LRP2: variants seen among roughly 807,000 people sequenced by gnomAD.
LRP2 encodes low-density lipoprotein receptor-related protein 2.
Under a neutral mutation model 531.0 loss-of-function variants are expected in LRP2, and 172 were observed. The observed-to-expected ratio is 0.32, with a 90% CI of 0.29 to 0.37. The LOEUF (loss-of-function observed/expected upper bound fraction) is 0.37, where lower values mean the gene tolerates loss of function less well. Ranked by LOEUF, LRP2 falls within the 10% of genes least tolerant of loss-of-function variation. The pLI is 1.00. For missense variants in LRP2, 5,167 were observed against 5,868.3 expected, an observed-to-expected ratio of 0.88 and a Z score of 3.90; for synonymous variants, 1,992 against 2,027.6, an observed-to-expected ratio of 0.98 and a Z score of 0.47.
At chr2:169,199,093 A>G (rs1043128484) in intron 44 of LRP2, among the ~76,000 whole-genome samples, 182 bp from the exon 45 acceptor site, 3 of 152,212 alleles carry the variant, frequency 2.0e-5, no homozygotes, top group Admixed American at 2.0e-4. Flanking sequence ...GTAAAAAAAC[A>G]TATTTCCAGC....
intron 4 of LRP2, among the ~76,000 whole-genome samples, chr2:169,305,984 G>A (rs987897637): frequency 2.6e-5 from 4 of 151,852 alleles, no homozygotes; most frequent in Non-Finnish European, 4.4e-5. Flanking sequence ...TACCATCCAG[G>A]TTTGTTTAAC....
At chr2:169,216,144 A>C in intron 35 of LRP2, 109 bp downstream of exon 35, 1 of 1,176,626 alleles carries the variant, frequency 8.5e-7, no homozygotes, top group African/African-American at 1.5e-5. Context: ...ACACTGGTAC[A>C]AGTTACCAAG....
chr2:169,198,933 A>T, intron 44 of LRP2, 22 bp from the exon 45 acceptor site: 2 of 1,609,326 alleles, frequency 1.2e-6, no homozygotes, highest in Non-Finnish European at 1.7e-6. Flanking sequence ...CAACCAGATA[A>T]ATATTAGGAA....
At chr2:169,279,643 C>G (rs534732949) in intron 11 of LRP2, 48 bp from the exon 12 acceptor site, 1 of 1,197,500 alleles carries the variant, frequency 8.4e-7, no homozygotes, top group Admixed American at 1.8e-5. Flanking sequence ...TCACTAACTA[C>G]GTGGTTTGTT....
Position 169,188,273 on chromosome 2 carries a change from A to G in LRP2, c.9033-8T>C, listed in dbSNP as rs140148483. 1.7e-3 allele frequency: 2,743 copies of G among 1,613,896 alleles called. 41 individuals carry two copies. In the African/African-American group the frequency reaches 0.031, roughly 18 times the overall value. ...TCATTGTGCCGGTCACACCTGTATC[A>G]TGAGATCCAGTACCACTTTCAGAGA... On this transcript the variant is annotated splice_polypyrimidine_tract_variant and splice_region_variant and intron_variant, in intron 48 of 78. Coordinates refer to ENST00000649046, the MANE Select transcript of LRP2 (RefSeq NM_004525.3).
rs1216987363 is a variant in LRP2 at position 169,284,256 on chromosome 2, C to CTTTTTTTTTTTTTTTTTTTTTTTTTT, written c.1043-1281_1043-1256dup. Among the ~76,000 whole-genome samples, 11 of 96,668 alleles carry CTTTTTTTTTTTTTTTTTTTTTTTTTT rather than the reference C, an allele frequency of 1.1e-4. 1 individual carries two copies. Among genetic ancestry groups the CTTTTTTTTTTTTTTTTTTTTTTTTTT allele is most frequent in the African/African-American group, 2.2e-4 (5 of 22,690 alleles). The allele number at this position is 96,668 out of a possible 152,430, so 63.4% of individuals were successfully genotyped here. ...CTTTTCTTTTCTTTTTCTTTTTTTT[C>CTTTTTTTTTTTTTTTTTTTTTTTTTT]TTTTTTTTTTTTTTTTTTTTTTTTT... On this transcript the variant is annotated intron_variant, in intron 9 of 78. Transcript: ENST00000649046.
intron 3 of LRP2, among the ~76,000 whole-genome samples, chr2:169,315,681 C>T (rs1383321982): frequency 6.6e-6 from 1 of 152,162 alleles, no homozygotes; most frequent in Non-Finnish European, 1.5e-5. Context: ...GAACTTTCTC[C>T]TGGAATTAAT....
chr2:169,181,569 C>T lies in LRP2; in HGVS notation c.10048G>A (p.Gly3350Ser). The stretch of plus-strand genomic sequence containing the variant: ...ACAGACTTGTTGGTTCCATCCATGC[C>T]TACTCTCCCAATGTATGCGCGGTGA... ...WGHRAYIGRV[G>S]MDGTNKSVII... is the part of the protein sequence containing the mutation. Residue 3350 changes from glycine (G) to serine (S), a missense_variant, in exon 52 of 79, where the codon GGC (glycine) becomes AGC (serine). Transcript: ENST00000649046. 4 of 1,614,156 alleles carry T rather than the reference C, an allele frequency of 2.5e-6. No individual in the cohort carries two copies. Among genetic ancestry groups the T allele is most frequent in the South Asian group, 1.1e-5 (1 of 91,080 alleles).
intron 6 of LRP2, among the ~76,000 whole-genome samples, chr2:169,293,585 G>A (rs554911095): frequency 9.9e-5 from 15 of 152,266 alleles, no homozygotes; most frequent in African/African-American, 3.6e-4. Context: ...TGAAGCAGGA[G>A]AACTGCTTGA....
At chr2:169,270,514 C>T (rs1323721818) in intron 16 of LRP2, among the ~76,000 whole-genome samples, 1 of 150,720 alleles carries the variant, frequency 6.6e-6, no homozygotes, top group Non-Finnish European at 1.5e-5. Context: ...GGACAGAAAA[C>T]CAAACACCAC....
intron 47 of LRP2, 125 bp downstream of exon 47, chr2:169,193,636 A>AC (rs1336240474): frequency 8.5e-7 from 1 of 1,183,152 alleles, no homozygotes; most frequent in Non-Finnish European, 1.3e-6. Context: ...AACAAAGGTA[A>AC]CATTCTATCA....
intron 68 of LRP2, among the ~76,000 whole-genome samples, chr2:169,147,780 G>T (rs1322724474): frequency 1.3e-5 from 2 of 152,188 alleles, no homozygotes; most frequent in Admixed American, 6.5e-5. Context: ...AGAGATCCCG[G>T]TTGTAAATAT....
At position 169,207,000 on chromosome 2, in the gene LRP2, T is replaced by C; in HGVS notation, c.6720A>G (p.Ala2240=). 1 of 1,614,240 alleles carries C rather than the reference T, an allele frequency of 6.2e-7. No homozygotes were observed. Among genetic ancestry groups the C allele is most frequent in the Non-Finnish European group, 8.5e-7 (1 of 1,180,042 alleles). Residue 2240 remains alanine, a synonymous_variant, in exon 39 of 79, where the codon GCA becomes GCG. Coordinates refer to ENST00000649046, the MANE Select transcript of LRP2 (RefSeq NM_004525.3). ...SEGIVTPRGL[A]VDRSDGYVYW... is the part of the protein sequence containing the mutation. ...AAACGTAGCCATCACTTCGGTCCAC[T>C]GCCAAGCCCCGTGGTGTGACAATGC...
chr2:169,336,466 G>T (rs1176834424), intron 1 of LRP2, among the ~76,000 whole-genome samples: 1 of 151,960 alleles, frequency 6.6e-6, no homozygotes, highest in African/African-American at 2.4e-5. Flanking sequence ...CTTGAAACCA[G>T]GAGGCAGAGG....
In LRP2 at chr2:169,294,613, A is replaced by G; in HGVS notation, c.525T>C (p.Asp175=). 6.8e-6 allele frequency: 11 copies of G among 1,610,636 alleles called. No individual in the cohort carries two copies. The highest frequency in any genetic ancestry group is 8.5e-6 in the Non-Finnish European group (10 of 1,177,954). ...DWKVDCRDSS[D]EINCTEICLH... is the part of the protein sequence containing the mutation. The stretch of plus-strand genomic sequence containing the variant: ...CACAATACTTACTGCAGTTGATTTC[A>G]TCTGAGGAGTCCCTGCAATCAACTT... The change falls in exon 5 of 79, where the codon GAT becomes GAC. Residue 175 remains aspartate (D), a synonymous_variant. Coordinates refer to ENST00000649046, the MANE Select transcript of LRP2 (RefSeq NM_004525.3).
intron 3 of LRP2, among the ~76,000 whole-genome samples, chr2:169,314,231 C>T (rs1159657060): frequency 7.2e-6 from 1 of 139,516 alleles, no homozygotes; most frequent in African/African-American, 3.0e-5. Flanking sequence ...ATCCTTATAT[C>T]TTAAAAGAAA....
chr2:169,270,126 G>A (rs568904455), intron 16 of LRP2, among the ~76,000 whole-genome samples: 1 of 152,242 alleles, frequency 6.6e-6, no homozygotes, highest in Non-Finnish European at 1.5e-5. Flanking sequence ...GAGAGGATGT[G>A]GAGATATAGG....
Position 169,284,256 on chromosome 2 carries a change from C to CTCTTTTTTTTTTTTTTTTTT in LRP2, c.1043-1256_1043-1255insAAAAAAAAAAAAAAAAAAGA, listed in dbSNP as rs1553508684. ...CTTTTCTTTTCTTTTTCTTTTTTTT[C>CTCTTTTTTTTTTTTTTTTTT]TTTTTTTTTTTTTTTTTTTTTTTTT... On this transcript the variant is annotated intron_variant, in intron 9 of 78. Coordinates refer to ENST00000649046, the MANE Select transcript of LRP2 (RefSeq NM_004525.3). Among the ~76,000 whole-genome samples the CTCTTTTTTTTTTTTTTTTTT allele has an allele frequency of 6.4e-4, 62 of 96,646 alleles. 4 individuals carry two copies. Among genetic ancestry groups the CTCTTTTTTTTTTTTTTTTTT allele is most frequent in the Non-Finnish European group, 7.9e-4 (41 of 51,782 alleles). 63.4% of individuals were successfully genotyped at this position (96,646 alleles called of 152,430 possible).
At chr2:169,171,123 T>C (rs572890948) in intron 58 of LRP2, among the ~76,000 whole-genome samples, 2 of 152,192 alleles carry the variant, frequency 1.3e-5, no homozygotes, top group African/African-American at 4.8e-5. Flanking sequence ...GGATTCAACA[T>C]TGACTTTTAT....
Sources: gnomAD v4.1 joint callset for allele counts (sites outside exome capture counted in the v4.1 genomes callset) on GRCh38, gnomAD v4.1.1 for gene constraint, MANE v1.5 for transcripts, NCBI Gene and HGNC (gene_info 2026-07-23, HGNC 2026-07-21) for gene names.